VPS13B: variants seen among roughly 807,000 people sequenced by gnomAD.
The protein encoded by VPS13B is intermembrane lipid transfer protein VPS13B.
VPS13B carries 285 observed loss-of-function variants against 426.4 expected under a neutral mutation model. The observed-to-expected ratio is 0.67, with a 90% CI of 0.61 to 0.74. VPS13B has a LOEUF of 0.74. Ranked by LOEUF, VPS13B falls within the 30% of genes least tolerant of loss-of-function variation. The pLI is 0.00. For synonymous variants in VPS13B, 1,676 were observed against 1,676.4 expected, an observed-to-expected ratio of 1.00 and a Z score of 0.01; for missense variants, 4,537 against 4,782.6, an observed-to-expected ratio of 0.95 and a Z score of 1.51.
intron 22 of VPS13B, among the ~76,000 whole-genome samples, chr8:99,442,110 A>T (rs1817708071): frequency 6.6e-6 from 1 of 152,152 alleles, no homozygotes; most frequent in Non-Finnish European, 1.5e-5. Flanking sequence ...CAAAAGAAAG[A>T]GTGTTTTCTG....
intron 33 of VPS13B, among the ~76,000 whole-genome samples, chr8:99,624,013 T>A (rs375769899): frequency 0.076 from 8,239 of 107,976 alleles, 250 homozygotes; most frequent in East Asian, 0.25. Flanking sequence ...ATATATTTTT[T>A]TTTTTTTTTT....
chr8:99,628,675 T>C (rs1828712898), intron 33 of VPS13B, among the ~76,000 whole-genome samples: 2 of 152,004 alleles, frequency 1.3e-5, no homozygotes, highest in Non-Finnish European at 2.9e-5. Context: ...ATGAAAGAAA[T>C]AAGGTTCCGA....
intron 19 of VPS13B, among the ~76,000 whole-genome samples, chr8:99,296,523 A>G (rs930772801): frequency 1.3e-5 from 2 of 152,168 alleles, no homozygotes; most frequent in African/African-American, 4.8e-5. Flanking sequence ...GTATAGTTAA[A>G]TCTTTCTTTA....
At chr8:99,709,053 G>T (rs1292115735) in intron 36 of VPS13B, among the ~76,000 whole-genome samples, 1 of 152,056 alleles carries the variant, frequency 6.6e-6, no homozygotes, top group Non-Finnish European at 1.5e-5. Flanking sequence ...CTTTATTTTT[G>T]AGGGATTTGT....
At chr8:99,231,544 A>T (rs1296742675) in intron 17 of VPS13B, among the ~76,000 whole-genome samples, 1 of 152,214 alleles carries the variant, frequency 6.6e-6, no homozygotes, top group Non-Finnish European at 1.5e-5. Flanking sequence ...AAAGAAGGCC[A>T]TATAGGTTCT....
intron 40 of VPS13B, among the ~76,000 whole-genome samples, chr8:99,775,123 G>A (rs576008067): frequency 2.0e-5 from 3 of 152,270 alleles, no homozygotes; most frequent in Non-Finnish European, 4.4e-5. Context: ...AGTTCCTCTT[G>A]TGTTTCCACC....
chr8:99,844,630 G>A (rs899912707), intron 54 of VPS13B, among the ~76,000 whole-genome samples: 35 of 152,138 alleles, frequency 2.3e-4, no homozygotes, highest in Non-Finnish European at 4.0e-4. Flanking sequence ...TCAGCCTCCC[G>A]AAGTGCTAAG....
At chr8:99,520,142 T>G (rs1484135797) in intron 29 of VPS13B, among the ~76,000 whole-genome samples, 3 of 152,110 alleles carry the variant, frequency 2.0e-5, no homozygotes, top group Non-Finnish European at 4.4e-5. Flanking sequence ...TCCTTTTACC[T>G]TTTTTTGTTT....
intron 25 of VPS13B, among the ~76,000 whole-genome samples, chr8:99,482,307 T>C (rs1047857950): frequency 7.2e-5 from 11 of 151,972 alleles, no homozygotes; most frequent in African/African-American, 2.7e-4. Context: ...CTCTTTTGTA[T>C]AAGAAATATT....
At chr8:99,823,400 C>T (rs1455461130) in intron 50 of VPS13B, among the ~76,000 whole-genome samples, 2 of 152,096 alleles carry the variant, frequency 1.3e-5, no homozygotes, top group Non-Finnish European at 2.9e-5. Context: ...TCAGAACTCT[C>T]CTTGGTTCAT....
rs1221362946 is a variant in VPS13B at position 99,259,646 on chromosome 8, A to G, written c.2516-14552A>G. 7.2e-5 allele frequency among the ~76,000 whole-genome samples: 11 copies of G among 152,152 alleles called. No individual in the cohort carries two copies. The East Asian group carries it at 2.1e-3, about 29-fold the overall frequency. Reference sequence around the variant, plus strand: ...AGGGTGCTTTCCTGGAGAATTTGTAACCACAACTCTGTCCTCATTCAGATT... The same window carrying G: ...AGGGTGCTTTCCTGGAGAATTTGTAGCCACAACTCTGTCCTCATTCAGATT... On this transcript the variant is annotated intron_variant, in intron 17 of 61. Coordinates refer to ENST00000357162, the MANE Select transcript of VPS13B (RefSeq NM_152564.5).
chr8:99,425,640 C>T (rs1374681196), intron 21 of VPS13B, among the ~76,000 whole-genome samples: 1 of 152,170 alleles, frequency 6.6e-6, no homozygotes, highest in African/African-American at 2.4e-5. Flanking sequence ...GAAGCATTCC[C>T]TTTGAAAACT....
intron 23 of VPS13B, among the ~76,000 whole-genome samples, chr8:99,443,784 T>G (rs904292267): frequency 6.6e-6 from 1 of 152,188 alleles, no homozygotes; most frequent in African/African-American, 2.4e-5. Flanking sequence ...TAAACATTCC[T>G]TTACAGGATT....
At chr8:99,113,181 C>T (rs930779087) in intron 6 of VPS13B, among the ~76,000 whole-genome samples, 4 of 151,946 alleles carry the variant, frequency 2.6e-5, no homozygotes, top group African/African-American at 9.7e-5. Flanking sequence ...TCACTGTAAC[C>T]TTGAACTCCT....
chr8:99,523,881 CCAAA>C (rs1822508426), intron 30 of VPS13B, among the ~76,000 whole-genome samples: 3 of 152,134 alleles, frequency 2.0e-5, no homozygotes, highest in South Asian at 4.2e-4. Context: ...CATGAGCTCA[CCAAA>C]CAAACTAAAT....
intron 17 of VPS13B, among the ~76,000 whole-genome samples, chr8:99,215,485 AC>A (rs2132811323): frequency 6.6e-6 from 1 of 152,278 alleles, no homozygotes; most frequent in Non-Finnish European, 1.5e-5. Flanking sequence ...ATGTAGTTGT[AC>A]GCATTACTAA....
intron 17 of VPS13B, among the ~76,000 whole-genome samples, chr8:99,237,254 A>G (rs1816697184): frequency 6.6e-6 from 1 of 152,214 alleles, no homozygotes; most frequent in Non-Finnish European, 1.5e-5. Context: ...TTTGAAGTAA[A>G]TGAGATACCT....
rs565041952 is a variant in VPS13B at position 99,069,321 on chromosome 8, C to A, written c.292-26991C>A. 1.6e-4 allele frequency among the ~76,000 whole-genome samples: 25 copies of A among 152,254 alleles called. No homozygotes were observed. In the South Asian group the frequency reaches 4.8e-3, roughly 29 times the overall value. On this transcript the variant is annotated intron_variant, in intron 3 of 61. Coordinates refer to ENST00000357162, the MANE Select transcript of VPS13B (RefSeq NM_152564.5). ...TGGTGGCACAAGCCTTTAGTCCTAG[C>A]TACTCTGAAGGCTGAGGCAGGCAGA... is the stretch of plus-strand genomic sequence containing the variant.
chr8:99,870,698 G>C (rs992200578), intron 59 of VPS13B, 87 bp from the exon 60 acceptor site: 1 of 1,222,846 alleles, frequency 8.2e-7, no homozygotes, highest in East Asian at 2.3e-5. Context: ...ACATTTTATG[G>C]ATGGCTCTGA....
Sources: allele counts gnomAD v4.1 joint callset (sites outside exome capture counted in the v4.1 genomes callset), GRCh38; gene constraint gnomAD v4.1.1; transcripts MANE v1.5; gene names NCBI Gene and HGNC (gene_info 2026-07-23, HGNC 2026-07-21).